Variants in ATP6AP2 observed in about 807,000 individuals in gnomAD.
The protein encoded by ATP6AP2 is ATPase H+ transporting accessory protein 2, also known as renin receptor.
Under a neutral mutation model 23.4 loss-of-function variants are expected in ATP6AP2, and 1 was observed. The ratio of observed to expected loss-of-function variants is 0.04; its 90% CI spans 0.02 to 0.20. The LOEUF (loss-of-function observed/expected upper bound fraction) is 0.20. Ranked by LOEUF, ATP6AP2 falls within the 10% of genes least tolerant of loss-of-function variation. ATP6AP2 has a pLI of 1.00. For synonymous variants in ATP6AP2, 90 were observed against 97.1 expected, an observed-to-expected ratio of 0.93 and a Z score of 0.43; for missense variants, 174 against 271.3, an observed-to-expected ratio of 0.64 and a Z score of 2.52.
At chrX:40,603,124 G>A (rs1418311108) in intron 8 of ATP6AP2, among the ~76,000 whole-genome samples, 1 of 106,937 alleles carries the variant, frequency 9.4e-6, no homozygotes, top group Non-Finnish European at 1.9e-5. Flanking sequence ...AGTAGAGATG[G>A]GGTTTTACCA....
intron 3 of ATP6AP2, among the ~76,000 whole-genome samples, chrX:40,593,759 C>T (rs1018176025): frequency 2.9e-4 from 32 of 111,182 alleles, no homozygotes; most frequent in African/African-American, 1.0e-3. Flanking sequence ...CCACCCACCT[C>T]AGCCTCCCAG....
chrX:40,590,079 G>A (rs1291896246), intron 2 of ATP6AP2: 1 of 111,562 alleles, frequency 9.0e-6, no homozygotes, highest in East Asian at 2.8e-4. Context: ...GTCTGGCTGT[G>A]TCACCCAAGC....
chrX:40,586,444 C>T (rs1255381631), intron 1 of ATP6AP2, among the ~76,000 whole-genome samples: 1 of 111,354 alleles, frequency 9.0e-6, no homozygotes, highest in Non-Finnish European at 1.9e-5. Context: ...GGGGCTTATG[C>T]AGATAAATTT....
In ATP6AP2 at chrX:40,584,492, C is replaced by T. The variant is rs1040989298; in HGVS notation, c.37+3390C>T. ...GTTCAAGTGATTCTTGTCCCTCAGC[C>T]TCCCAAGTAGCTGGGACTACTCTTG... is the stretch of plus-strand genomic sequence containing the variant. On this transcript the variant is annotated intron_variant, in intron 1 of 8. Transcript: ENST00000636580. Among the ~76,000 whole-genome samples, 50 of 109,618 alleles carry T rather than the reference C, an allele frequency of 4.6e-4. No individual in the cohort carries two copies. The Admixed American group carries it at 4.9e-3, about 11-fold the overall frequency.
intron 3 of ATP6AP2, chrX:40,592,077 C>T (rs1050812785): frequency 2.7e-5 from 3 of 112,183 alleles, no homozygotes; most frequent in African/African-American, 9.8e-5. Flanking sequence ...GGCTTGCTGC[C>T]CTTGGCTGTT....
intron 8 of ATP6AP2, among the ~76,000 whole-genome samples, chrX:40,602,790 G>A (rs1424914072): frequency 9.2e-6 from 1 of 108,296 alleles, no homozygotes; most frequent in African/African-American, 3.4e-5. Flanking sequence ...CCCCGAGAGA[G>A]CTGTGCCCTC....
chrX:40,603,549 T>A (rs1169171378), intron 8 of ATP6AP2: 1 of 109,967 alleles, frequency 9.1e-6, no homozygotes, highest in Non-Finnish European at 1.9e-5. Flanking sequence ...CTCACAACAT[T>A]CCAGGTGCTG....
At chrX:40,599,775 T>G (rs773280729) in intron 7 of ATP6AP2, 34 bp downstream of exon 7, 1 of 1,205,830 alleles carries the variant, frequency 8.3e-7, no homozygotes, top group East Asian at 3.0e-5. Context: ...GGTTGGAGTA[T>G]GACCATTTCA....
intron 3 of ATP6AP2, among the ~76,000 whole-genome samples, chrX:40,593,002 C>G (rs553417483): frequency 7.1e-5 from 8 of 112,590 alleles, no homozygotes; most frequent in African/African-American, 2.6e-4. Flanking sequence ...AATCCCAACA[C>G]TTTGAGAGGC....
intron 3 of ATP6AP2, among the ~76,000 whole-genome samples, chrX:40,594,213 AAAAAT>A (rs1926721797): frequency 8.9e-6 from 1 of 112,345 alleles, no homozygotes; most frequent in African/African-American, 3.2e-5. Context: ...TTTGTCAGTT[AAAAAT>A]AAAATAAAAA....
intron 3 of ATP6AP2, 87 bp from the exon 4 acceptor site, chrX:40,597,162 T>C: frequency 1.3e-6 from 1 of 761,011 alleles, no homozygotes; most frequent in African/African-American, 2.1e-5. Flanking sequence ...GGAAAAAAGT[T>C]TAAGGCTTCT....
chrX:40,596,747 C>T (rs987707182), intron 3 of ATP6AP2, among the ~76,000 whole-genome samples: 2 of 112,226 alleles, frequency 1.8e-5, no homozygotes, highest in Non-Finnish European at 3.8e-5. Flanking sequence ...AACACCTTAT[C>T]TAAGAGTCTT....
chrX:40,594,179 C>T (rs1008190622), intron 3 of ATP6AP2, among the ~76,000 whole-genome samples: 2 of 111,498 alleles, frequency 1.8e-5, no homozygotes, highest in Non-Finnish European at 3.8e-5. Context: ...TAACATTGTA[C>T]CCCATAAATA....
intron 8 of ATP6AP2, among the ~76,000 whole-genome samples, chrX:40,604,828 C>A (rs1402383729): frequency 9.1e-6 from 1 of 110,079 alleles, no homozygotes; most frequent in Non-Finnish European, 1.9e-5. Context: ...GTTCAGTATT[C>A]TTTTTAAGAT....
intron 7 of ATP6AP2, 90 bp from the exon 8 acceptor site, chrX:40,600,672 G>A: frequency 1.0e-6 from 1 of 972,652 alleles, no homozygotes; most frequent in South Asian, 2.3e-5. Context: ...ATATGTTGAT[G>A]TGATAAATAT....
intron 3 of ATP6AP2, among the ~76,000 whole-genome samples, chrX:40,593,440 GAC>G (rs1417652166): frequency 9.0e-6 from 1 of 110,988 alleles, no homozygotes; most frequent in African/African-American, 3.3e-5. Context: ...TGTTGCAAAT[GAC>G]AGTTTCCCGC....
Position 40,597,275 on chromosome X carries a change from T to G in ATP6AP2, c.327T>G (p.Val109=). Residue 109 remains valine (V), a synonymous_variant, in exon 4 of 9, where the codon GTT becomes GTG. Transcript: ENST00000636580. ...CAGTTCCTTTTAGTCTTGACAGTGTTGCAAATTCCATTCACTCCTTATTTT... is the reference window on the plus strand; with the variant it reads ...CAGTTCCTTTTAGTCTTGACAGTGTGGCAAATTCCATTCACTCCTTATTTT... ...ENAVPFSLDS[V]ANSIHSLFSE... is the part of the protein sequence containing the mutation. 1 of 1,209,026 alleles carries G rather than the reference T, an allele frequency of 8.3e-7. No homozygotes were observed. Among genetic ancestry groups the G allele is most frequent in the Non-Finnish European group, 1.1e-6 (1 of 892,733 alleles).
chrX:40,580,979 C>A lies in ATP6AP2; in HGVS notation c.-87C>A. On this transcript the variant is annotated 5_prime_UTR_variant, in exon 1 of 9. Transcript: ENST00000636580. Reference sequence around the variant, plus strand: ...ACCCGGGAGCCTGGACGAGTCCGAGCGCGTCACCTCCTCACGCTGCGGCTG... The same window carrying A: ...ACCCGGGAGCCTGGACGAGTCCGAGAGCGTCACCTCCTCACGCTGCGGCTG... 15 of 1,093,582 alleles carry A rather than the reference C, an allele frequency of 1.4e-5. No homozygotes were observed. The highest frequency in any genetic ancestry group is 1.9e-5 in the Non-Finnish European group (15 of 810,067). 90.1% of individuals were successfully genotyped at this position (1,093,582 alleles called of 1,213,427 possible).
chrX:40,585,388 C>T (rs1197010001), intron 1 of ATP6AP2, among the ~76,000 whole-genome samples: 2 of 111,762 alleles, frequency 1.8e-5, no homozygotes. Context: ...AGAGGAGAAG[C>T]AGCCAAAGGG....
Sources: gnomAD v4.1 joint callset for allele counts (sites outside exome capture counted in the v4.1 genomes callset) on GRCh38, gnomAD v4.1.1 for gene constraint, MANE v1.5 for transcripts, NCBI Gene and HGNC (gene_info 2026-07-23, HGNC 2026-07-21) for gene names.